The following SOX5 variants were observed in gnomAD, a reference collection of about 807,000 sequenced individuals.
SOX5 encodes transcription factor SOX-5.
SOX5 carries 9 observed loss-of-function variants against 92.0 expected under a neutral mutation model. That is an observed-to-expected ratio of 0.10 (90% CI 0.06 to 0.17). SOX5 has a LOEUF of 0.17. Among genes scored for constraint, SOX5 ranks in the 10% least tolerant of loss-of-function variants. SOX5 has a pLI of 1.00. For missense variants in SOX5, 642 were observed against 944.5 expected (o/e 0.68, Z 4.20); for synonymous variants, 344 against 336.3 (o/e 1.02, Z -0.25).
chr12:24,192,002 G>A (rs1385029313), intron 4 of SOX5, among the ~76,000 whole-genome samples: 1 of 152,160 alleles, frequency 6.6e-6, no homozygotes, highest in African/African-American at 2.4e-5. Flanking sequence ...TATGATGAAA[G>A]ACAAATTATT....
intron 3 of SOX5, among the ~76,000 whole-genome samples, chr12:23,821,578 A>G (rs1025235254): frequency 5.6e-4 from 85 of 151,474 alleles, no homozygotes; most frequent in African/African-American, 2.1e-3. Context: ...TAGCTAGTTT[A>G]TTGAGTGTTT....
chr12:24,127,382 C>T (rs1949205369), intron 4 of SOX5, among the ~76,000 whole-genome samples: 1 of 144,686 alleles, frequency 6.9e-6, no homozygotes, highest in African/African-American at 2.6e-5. Context: ...TAGAGCTAGA[C>T]CCTATCTCAA....
intron 4 of SOX5, among the ~76,000 whole-genome samples, chr12:23,964,991 G>A (rs76284059): frequency 0.027 from 4,089 of 152,266 alleles, 189 homozygotes; most frequent in African/African-American, 0.093. Context: ...CAGGGCTAGC[G>A]CACAGGGGCG....
chr12:23,846,290 A>G, intron 2 of SOX5, 97 bp from the exon 3 acceptor site: 1 of 954,380 alleles, frequency 1.0e-6, no homozygotes, highest in South Asian at 1.4e-5. Flanking sequence ...AAAAGGACAA[A>G]TAATTGTTTA....
At chr12:23,989,337 A>G (rs1950346856) in intron 4 of SOX5, among the ~76,000 whole-genome samples, 1 of 151,924 alleles carries the variant, frequency 6.6e-6, no homozygotes, top group African/African-American at 2.4e-5. Context: ...GGTTGCAGTG[A>G]GCTGAGATTG....
intron 2 of SOX5, among the ~76,000 whole-genome samples, chr12:24,308,065 T>C (rs1010298818): frequency 1.3e-5 from 2 of 152,028 alleles, no homozygotes. Context: ...AGCTTCCCGA[T>C]AAGATCTCTG....
chr12:23,636,028 T>C (rs560593127), intron 8 of SOX5, among the ~76,000 whole-genome samples: 1 of 152,282 alleles, frequency 6.6e-6, no homozygotes, highest in East Asian at 1.9e-4. Context: ...ATACAACTAC[T>C]GATGAGTTCC....
intron 4 of SOX5, among the ~76,000 whole-genome samples, chr12:24,039,212 G>A (rs140142768): frequency 5.3e-5 from 8 of 152,250 alleles, no homozygotes; most frequent in African/African-American, 1.4e-4. Context: ...CAGAAGTAAT[G>A]TAGCCACCCG....
At chr12:24,554,598 C>T (rs1953574554) in intron 1 of SOX5, among the ~76,000 whole-genome samples, 1 of 152,116 alleles carries the variant, frequency 6.6e-6, no homozygotes, top group Admixed American at 6.5e-5. Context: ...TGCCAGTTTC[C>T]CACAGTACAA....
chr12:24,137,796 G>A (rs748053607), intron 4 of SOX5, among the ~76,000 whole-genome samples: 4 of 152,164 alleles, frequency 2.6e-5, no homozygotes, highest in Non-Finnish European at 4.4e-5. Flanking sequence ...ATAAATGAGA[G>A]CCTGCCTGCA....
intron 1 of SOX5, among the ~76,000 whole-genome samples, chr12:23,921,382 T>TC (rs751482688): frequency 6.3e-5 from 9 of 142,062 alleles, no homozygotes; most frequent in Non-Finnish European, 1.4e-4. Flanking sequence ...ATATGATCTT[T>TC]AAAAAAAAAA....
intron 6 of SOX5, among the ~76,000 whole-genome samples, chr12:23,724,686 C>A (rs1051680532): frequency 6.6e-6 from 1 of 152,094 alleles, no homozygotes; most frequent in Non-Finnish European, 1.5e-5. Flanking sequence ...TTGGATTGGG[C>A]TGTCAGAGGT....
At chr12:23,740,597 T>C (rs79582552) in intron 5 of SOX5, among the ~76,000 whole-genome samples, 2,810 of 152,276 alleles carry the variant, frequency 0.018, 91 homozygotes, top group African/African-American at 0.064. Flanking sequence ...TGGTTCTTTT[T>C]TGGTATTTTT....
At chr12:24,061,192 A>T (rs1939625960) in intron 4 of SOX5, among the ~76,000 whole-genome samples, 1 of 152,022 alleles carries the variant, frequency 6.6e-6, no homozygotes, top group African/African-American at 2.4e-5. Flanking sequence ...GGACGAAGAG[A>T]AGAAATTACC....
intron 3 of SOX5, among the ~76,000 whole-genome samples, chr12:24,238,169 C>T (rs573418213): frequency 2.0e-5 from 3 of 151,990 alleles, no homozygotes; most frequent in Non-Finnish European, 4.4e-5. Flanking sequence ...TCCAAGAAAA[C>T]ATAAAGTTGC....
In SOX5 at chr12:24,464,484, G is replaced by T. The variant is rs185855044; in HGVS notation, c.-250-95845C>A. Among the ~76,000 whole-genome samples the T allele has an allele frequency of 4.2e-3, 644 of 152,146 alleles. 3 individuals carry two copies. Among genetic ancestry groups the T allele is most frequent in the Non-Finnish European group, 6.2e-3 (423 of 68,006 alleles). On this transcript the variant is annotated intron_variant, in intron 1 of 4. Transcript: ENST00000446891. ...GCCTCCCGAGTAGCTGGGACTACAG[G>T]TGCCCACCACCACGCCCAGCTAATT...
intron 4 of SOX5, among the ~76,000 whole-genome samples, chr12:24,059,163 T>C (rs1939179015): frequency 6.6e-6 from 1 of 152,234 alleles, no homozygotes; most frequent in East Asian, 1.9e-4. Context: ...ATGTTCATCA[T>C]TAGAGTCTGA....
At chr12:24,202,543 CACT>C (rs1336993321) in intron 4 of SOX5, among the ~76,000 whole-genome samples, 1 of 152,102 alleles carries the variant, frequency 6.6e-6, no homozygotes, top group East Asian at 1.9e-4. Flanking sequence ...ACAATTGACC[CACT>C]AATGTGTTTT....
intron 1 of SOX5, among the ~76,000 whole-genome samples, chr12:24,503,500 G>A (rs1948427630): frequency 6.6e-6 from 1 of 152,170 alleles, no homozygotes; most frequent in Non-Finnish European, 1.5e-5. Context: ...TATCAAGACT[G>A]AGCAACTATA....
Sources: allele counts gnomAD v4.1 joint callset (sites outside exome capture counted in the v4.1 genomes callset), GRCh38; gene constraint gnomAD v4.1.1; transcripts MANE v1.5; gene names NCBI Gene and HGNC (gene_info 2026-07-23, HGNC 2026-07-21).